CHD2: variants seen among roughly 807,000 people sequenced by gnomAD.
The protein encoded by CHD2 is chromodomain helicase DNA binding protein 2.
A neutral mutation model predicts 243.9 loss-of-function variants in CHD2; 28 were observed. The observed-to-expected ratio is 0.11, with a 90% CI of 0.09 to 0.16. The LOEUF is 0.16. CHD2 is among the 10% of genes least tolerant of loss of function. The probability of loss-of-function intolerance (pLI) is 1.00; values close to 1 mark genes in which losing one functional copy is unlikely to be tolerated. For missense variants in CHD2, 1,386 were observed against 2,209.8 expected (o/e 0.63, Z 7.47); for synonymous variants, 775 against 779.0 (o/e 0.99, Z 0.09).
intron 12 of CHD2, 35 bp from the exon 13 acceptor site, chr15:92,948,917 G>A (rs2053514649): frequency 6.3e-7 from 1 of 1,599,222 alleles, no homozygotes; most frequent in Non-Finnish European, 8.5e-7. Context: ...GTAGCAGTAA[G>A]AACATTTTCT....
At chr15:92,982,016 C>A (rs2053986597) in intron 24 of CHD2, among the ~76,000 whole-genome samples, 1 of 152,138 alleles carries the variant, frequency 6.6e-6, no homozygotes, top group African/African-American at 2.4e-5. Flanking sequence ...TGAAAGAGTA[C>A]AGGGATGCTA....
chr15:92,946,555 T>A (rs2053471452), intron 12 of CHD2: 1 of 156,988 alleles, frequency 6.4e-6, no homozygotes. Context: ...GGCACTATCT[T>A]GGCTAACTGC....
intron 14 of CHD2, chr15:92,954,084 A>C (rs184045414): frequency 6.5e-6 from 1 of 153,732 alleles, no homozygotes; most frequent in Admixed American, 6.5e-5. Context: ...TTATTTGGGC[A>C]TCATGAATTT....
chr15:93,017,492 A>ATTTTTTT (rs760713016), intron 37 of CHD2, among the ~76,000 whole-genome samples: 29 of 96,820 alleles, frequency 3.0e-4, no homozygotes, highest in African/African-American at 9.6e-4. Flanking sequence ...TGCCGGGCTA[A>ATTTTTTT]TTTTTTTTTT....
At chr15:92,990,012 A>G (rs1001074396) in intron 26 of CHD2, among the ~76,000 whole-genome samples, 2 of 151,972 alleles carry the variant, frequency 1.3e-5, no homozygotes, top group Non-Finnish European at 2.9e-5. Flanking sequence ...TGTTATTTCC[A>G]GTTGGTAATG....
intron 13 of CHD2, 27 bp from the exon 14 acceptor site, chr15:92,953,327 TTTG>T: frequency 6.3e-7 from 1 of 1,593,120 alleles, no homozygotes; most frequent in Non-Finnish European, 8.6e-7. Flanking sequence ...TAATGATTTT[TTTG>T]TTTTTATTTA....
Position 93,026,791 on chromosome 15 carries a change from G to A in CHD2, c.*2086G>A, listed in dbSNP as rs1345713964. On this transcript the variant is annotated 3_prime_UTR_variant, in exon 39 of 39. Transcript: ENST00000394196. Reference sequence around the variant, plus strand: ...TTAGGTTGGCTTGTCGAGCCCTTGAGCGTTGGGAGATGGGGTGGGAAGGAG... The same window carrying A: ...TTAGGTTGGCTTGTCGAGCCCTTGAACGTTGGGAGATGGGGTGGGAAGGAG... The A allele has an allele frequency of 6.6e-6, 1 of 152,338 alleles. No homozygotes were observed. Among genetic ancestry groups the A allele is most frequent in the East Asian group, 1.9e-4 (1 of 5,192 alleles). 9.4% of individuals were successfully genotyped at this position (152,338 alleles called of 1,614,324 possible).
At chr15:92,996,261 A>C (rs536381387) in intron 28 of CHD2, among the ~76,000 whole-genome samples, 121 of 148,794 alleles carry the variant, frequency 8.1e-4, no homozygotes, top group African/African-American at 2.8e-3. Context: ...CTGGGTTCAC[A>C]CCATTCTCCT....
At chr15:93,014,160 G>A (rs2054429410) in intron 36 of CHD2, among the ~76,000 whole-genome samples, 1 of 152,054 alleles carries the variant, frequency 6.6e-6, no homozygotes, top group Admixed American at 6.5e-5. Flanking sequence ...ATTATTAACA[G>A]TAATTCCCTT....
chr15:92,938,100 G>A (rs570975118), intron 6 of CHD2, among the ~76,000 whole-genome samples: 1 of 152,332 alleles, frequency 6.6e-6, no homozygotes, highest in African/African-American at 2.4e-5. Context: ...TCAGAAGACA[G>A]GCCCCAGGGA....
chr15:92,993,129 C>A, intron 28 of CHD2, 131 bp downstream of exon 28: 1 of 913,038 alleles, frequency 1.1e-6, no homozygotes, highest in Non-Finnish European at 1.7e-6. Context: ...TTATTCTGAG[C>A]TGCGTTTCTG....
rs147437169 is a variant in CHD2 at position 92,934,595 on chromosome 15, T to C, written c.444-2923T>C. 8.1e-3 allele frequency among the ~76,000 whole-genome samples: 1,230 copies of C among 152,302 alleles called. 56 individuals are homozygous for C. Among genetic ancestry groups the C allele is most frequent in the Admixed American group, 0.069 (1,055 of 15,298 alleles). ...TTTGCATTTTATAAGAGGCCAGTAA[T>C]GTAGGAGAGGACAGCAGTTTCACAT... On this transcript the variant is annotated intron_variant, in intron 5 of 38. Coordinates refer to ENST00000394196, the MANE Select transcript of CHD2 (RefSeq NM_001271.4).
rs1306136994 is a variant in CHD2 at position 92,972,573 on chromosome 15, C to T, written c.2505+156C>T. On this transcript the variant is annotated intron_variant, in intron 19 of 38. Transcript: ENST00000394196. Reference sequence around the variant, plus strand: ...AGTTAAGGTTAAGATTCCAGGGGGCCGGGCGCGGTGGCTCACGCCTGTAAT... The same window carrying T: ...AGTTAAGGTTAAGATTCCAGGGGGCTGGGCGCGGTGGCTCACGCCTGTAAT... Among the ~76,000 whole-genome samples, 3 of 42,486 alleles carry T rather than the reference C, an allele frequency of 7.1e-5. 1 individual carries two copies. The highest frequency in any genetic ancestry group is 2.1e-4 in the African/African-American group (3 of 14,132). 27.9% of individuals were successfully genotyped at this position (42,486 alleles called of 152,430 possible).
chr15:92,918,611 C>G (rs1207219509), intron 2 of CHD2, among the ~76,000 whole-genome samples: 1 of 152,090 alleles, frequency 6.6e-6, no homozygotes, highest in African/African-American at 2.4e-5. Flanking sequence ...TTGACCCTTT[C>G]TATTAGTCTT....
intron 2 of CHD2, 23 bp from the exon 3 acceptor site, chr15:92,924,298 A>G (rs1567126903): frequency 6.3e-7 from 1 of 1,584,682 alleles, no homozygotes; most frequent in African/African-American, 1.3e-5. Context: ...ATATTTTTAA[A>G]TCTCTCTCTC....
At chr15:92,958,962 G>A (rs1324087097) in intron 16 of CHD2, among the ~76,000 whole-genome samples, 1 of 152,164 alleles carries the variant, frequency 6.6e-6, no homozygotes, top group Non-Finnish European at 1.5e-5. Context: ...CTTACGATGG[G>A]TTTCTCAGGA....
chr15:93,022,969 T>C (rs1218343909), intron 38 of CHD2, among the ~76,000 whole-genome samples: 2 of 152,254 alleles, frequency 1.3e-5, no homozygotes, highest in Non-Finnish European at 2.9e-5. Context: ...GTCCCTGTTA[T>C]TCCATTTTGA....
In CHD2 at chr15:93,012,398, A is replaced by G. The variant is rs1428758251; in HGVS notation, c.4646A>G (p.His1549Arg). The G allele has an allele frequency of 6.2e-7, 1 of 1,608,426 alleles. No homozygotes were observed. ...KFTEFDARKLHKLYKMAHKKR... is the reference protein window; with the variant it reads ...KFTEFDARKLRKLYKMAHKKR... ...ACAGAATTTGATGCTCGAAAACTGC[A>G]TAAGTTATACAAGATGGCTCATAAG... is the stretch of plus-strand genomic sequence containing the variant. The change falls in exon 36 of 39, where the codon CAT becomes CGT. Residue 1549 changes from histidine to arginine, a missense_variant. Physicochemically the swap from His to Arg is conservative, Grantham distance 29 (BLOSUM62 0). Transcript: ENST00000394196.
intron 2 of CHD2, among the ~76,000 whole-genome samples, chr15:92,922,469 C>T (rs1450300284): frequency 6.6e-6 from 1 of 152,108 alleles, no homozygotes; most frequent in Non-Finnish European, 1.5e-5. Context: ...TCATTGCTTC[C>T]TCATGGTAAC....
Sources: gnomAD v4.1 joint callset for allele counts (sites outside exome capture counted in the v4.1 genomes callset) on GRCh38, gnomAD v4.1.1 for gene constraint, MANE v1.5 for transcripts, NCBI Gene and HGNC (gene_info 2026-07-23, HGNC 2026-07-21) for gene names.